SANBR: variants seen among roughly 807,000 people sequenced by gnomAD.
SANBR encodes SANT and BTB domain regulator of class switch recombination.
In SANBR, 77 loss-of-function variants were observed where a neutral mutation model predicts 101.8. That is an observed-to-expected ratio of 0.76 (90% confidence interval 0.63 to 0.91). SANBR has a LOEUF of 0.91. Among genes scored for constraint, SANBR ranks in the 40% least tolerant of loss-of-function variants. The pLI, the probability that SANBR is intolerant of heterozygous loss-of-function variation, is 0.00. For synonymous variants in SANBR, 279 were observed against 274.7 expected (o/e 1.02, Z -0.15); for missense variants, 875 against 853.0 (o/e 1.03, Z -0.32).
intron 8 of SANBR, among the ~76,000 whole-genome samples, chr2:61,084,423 A>T (rs766334431): frequency 2.6e-5 from 4 of 152,166 alleles, no homozygotes; most frequent in Non-Finnish European, 5.9e-5. Context: ...TATGTTAAAA[A>T]TTATGAAGAT....
At chr2:61,117,770 C>T (rs1171062705) in intron 19 of SANBR, among the ~76,000 whole-genome samples, 1 of 152,134 alleles carries the variant, frequency 6.6e-6, no homozygotes, top group African/African-American at 2.4e-5. Context: ...TTGACCTTTG[C>T]CCATTATTTT....
chr2:61,090,811 A>G lies in SANBR; in HGVS notation c.1089-1653A>G, dbSNP rs1387192956. On this transcript the variant is annotated intron_variant, in intron 10 of 21. Transcript: ENST00000402291. ...CTTCAACTCCTGGCCTCAGGCCTCA[A>G]GCGATCTTCCCACTTCAGCCTCTCA... is the stretch of plus-strand genomic sequence containing the variant. 3 of 152,758 alleles carry G rather than the reference A, an allele frequency of 2.0e-5. No individual in the cohort carries two copies. In the Admixed American group the frequency reaches 2.0e-4, roughly 10 times the overall value. 9.5% of individuals were successfully genotyped at this position (152,758 alleles called of 1,614,324 possible).
At chr2:61,135,047 A>C (rs1684803330) in intron 21 of SANBR, among the ~76,000 whole-genome samples, 1 of 150,516 alleles carries the variant, frequency 6.6e-6, no homozygotes, top group Non-Finnish European at 1.5e-5. Context: ...AAAATTAGCT[A>C]GGTGTGGTGG....
rs761283667 is a variant in SANBR, at chr2:61,076,903, G to A, written c.432-17G>A. ...AAAACTCTAATAATTTCATTTTTGT[G>A]TAACATTTTTATGAAGGCCAAACAT... On this transcript the variant is annotated splice_polypyrimidine_tract_variant and intron_variant, in intron 5 of 21. Coordinates refer to ENST00000402291, the MANE Select transcript of SANBR (RefSeq NM_001129993.3). 4.5e-6 allele frequency: 7 copies of A among 1,553,074 alleles called. No individual in the cohort carries two copies. The highest frequency in any genetic ancestry group is 2.2e-5 in the East Asian group (1 of 44,552).
chr2:61,089,648 C>G (rs998793886), intron 10 of SANBR: 1 of 152,176 alleles, frequency 6.6e-6, no homozygotes, highest in African/African-American at 2.4e-5. Context: ...GCACTCCAGC[C>G]TAGACAACAA....
At chr2:61,134,692 A>G (rs960929020) in intron 21 of SANBR, among the ~76,000 whole-genome samples, 4 of 152,048 alleles carry the variant, frequency 2.6e-5, no homozygotes, top group Admixed American at 2.6e-4. Context: ...CAGGATTGAG[A>G]CCATCCTGGC....
intron 7 of SANBR, among the ~76,000 whole-genome samples, chr2:61,082,011 C>T (rs554268873): frequency 6.6e-6 from 1 of 152,134 alleles, no homozygotes; most frequent in South Asian, 2.1e-4. Flanking sequence ...GGGGTTTGTA[C>T]TAGTCCCCTG....
At chr2:61,072,672 G>A (rs182457769) in intron 4 of SANBR, among the ~76,000 whole-genome samples, 202 of 151,192 alleles carry the variant, frequency 1.3e-3, no homozygotes, top group Non-Finnish European at 1.7e-3. Flanking sequence ...GTATCAAAAT[G>A]TTCTACTCTA....
chr2:61,106,390 CAAAAAA>C (rs11364653), intron 13 of SANBR, among the ~76,000 whole-genome samples, 167 bp from the exon 14 acceptor site: 1 of 63,262 alleles, frequency 1.6e-5, no homozygotes, highest in Non-Finnish European at 2.8e-5. Context: ...GACTCCATCT[CAAAAAA>C]AAAAAAAAAA....
At chr2:61,128,532 G>A (rs1684584110), downstream of SANBR, among the ~76,000 whole-genome samples, 1 of 151,178 alleles carries the variant, frequency 6.6e-6, no homozygotes, top group East Asian at 2.0e-4. Flanking sequence ...TGCTCTTCTT[G>A]CCCAGGCTGG....
chr2:61,099,017 C>T (rs1003175452), intron 12 of SANBR, among the ~76,000 whole-genome samples: 4 of 152,116 alleles, frequency 2.6e-5, no homozygotes, highest in Non-Finnish European at 4.4e-5. Context: ...CTGAAGGATT[C>T]GTAGGAGTAC....
At chr2:61,110,455 G>A (rs1195317652) in intron 16 of SANBR, among the ~76,000 whole-genome samples, 4 of 150,212 alleles carry the variant, frequency 2.7e-5, no homozygotes, top group South Asian at 2.1e-4. Flanking sequence ...CGAGGCAGGC[G>A]GATCACCTGA....
At chr2:61,119,894 A>G (rs1449414179) in intron 20 of SANBR, among the ~76,000 whole-genome samples, 1 of 152,174 alleles carries the variant, frequency 6.6e-6, no homozygotes, top group Non-Finnish European at 1.5e-5. Context: ...CCTGGGAGGC[A>G]GAAGTTGCAA....
chr2:61,106,284 G>A (rs531953935), intron 13 of SANBR, among the ~76,000 whole-genome samples: 2 of 151,204 alleles, frequency 1.3e-5, no homozygotes, highest in South Asian at 2.1e-4. Context: ...CCAGCTACTC[G>A]GGAGGCTGAG....
At chr2:61,129,536 A>G (rs545121234) in intron 20 of SANBR, among the ~76,000 whole-genome samples, 13 of 152,296 alleles carry the variant, frequency 8.5e-5, no homozygotes, top group African/African-American at 2.4e-4. Context: ...GACGACATGC[A>G]TATTTCTTTT....
In SANBR at chr2:61,088,440, C is replaced by T. The variant is rs770768839; in HGVS notation, c.1060C>T (p.Arg354Cys). ...CIPGKINVDR[R>C]GNIVYIHIRD... is the part of the protein sequence containing the mutation. ...TCCTGGAAAAATCAATGTGGATCGACGTGGAAATATTGTCTATATTCACAT... is the reference window on the plus strand; with the variant it reads ...TCCTGGAAAAATCAATGTGGATCGATGTGGAAATATTGTCTATATTCACAT... Residue 354 changes from arginine (R) to cysteine (C), a missense_variant, in exon 10 of 22, where the codon CGT (arginine) becomes TGT (cysteine). Arg to Cys is a radical substitution (Grantham distance 180). Coordinates refer to ENST00000402291, the MANE Select transcript of SANBR (RefSeq NM_001129993.3). The T allele has an allele frequency of 1.1e-5, 17 of 1,606,654 alleles. No homozygotes were observed. Among genetic ancestry groups the T allele is most frequent in the Admixed American group, 1.0e-4 (6 of 59,154 alleles).
At chr2:61,128,476 G>A (rs1042479731), downstream of SANBR, among the ~76,000 whole-genome samples, 2 of 151,912 alleles carry the variant, frequency 1.3e-5, no homozygotes, top group Non-Finnish European at 2.9e-5. Flanking sequence ...CCAACATAGG[G>A]AGACCTCATC....
At chr2:61,115,347 T>TATA (rs377049833) in intron 16 of SANBR, among the ~76,000 whole-genome samples, 6 of 30,504 alleles carry the variant, frequency 2.0e-4, no homozygotes, top group African/African-American at 1.1e-3. Context: ...TATATATATA[T>TATA]TTTTTTTTTG....
At chr2:61,137,567 T>C (rs902836105) in exon 22 of SANBR, 6 of 152,254 alleles carry the variant, frequency 3.9e-5, no homozygotes, top group Non-Finnish European at 5.9e-5. Context: ...GCCTTATAGA[T>C]ATTTTTTTTT....
Sources: gnomAD v4.1 joint callset for allele counts (sites outside exome capture counted in the v4.1 genomes callset) on GRCh38, gnomAD v4.1.1 for gene constraint, MANE v1.5 for transcripts, NCBI Gene and HGNC (gene_info 2026-07-23, HGNC 2026-07-21) for gene names.